The following ZBTB7C variants were observed in gnomAD, a reference collection of about 807,000 sequenced individuals.
The protein encoded by ZBTB7C is zinc finger and BTB domain containing 7C.
In ZBTB7C, 8 loss-of-function variants were observed where a neutral mutation model predicts 25.7. The ratio of observed to expected loss-of-function variants is 0.31; its 90% CI spans 0.18 to 0.56. ZBTB7C has a LOEUF of 0.56. ZBTB7C is among the 20% of genes least tolerant of loss of function. The pLI is 0.91. For missense variants in ZBTB7C, 824 were observed against 855.2 expected, an observed-to-expected ratio of 0.96 and a Z score of 0.46; for synonymous variants, 394 against 369.0, an observed-to-expected ratio of 1.07 and a Z score of -0.78.
At chr18:48,294,149 G>A (rs1222305217) in intron 2 of ZBTB7C, among the ~76,000 whole-genome samples, 1 of 152,232 alleles carries the variant, frequency 6.6e-6, no homozygotes, top group African/African-American at 2.4e-5. Context: ...GAGCACATTA[G>A]CAGAGGCTTG....
intron 2 of ZBTB7C, among the ~76,000 whole-genome samples, chr18:48,247,561 G>C (rs2144405175): frequency 6.6e-6 from 1 of 152,226 alleles, no homozygotes; most frequent in South Asian, 2.1e-4. Context: ...CATACCATCT[G>C]GTAACAACCT....
intron 1 of ZBTB7C, among the ~76,000 whole-genome samples, chr18:48,361,543 T>G (rs914708596): frequency 6.6e-6 from 1 of 152,232 alleles, no homozygotes; most frequent in Admixed American, 6.5e-5. Context: ...CTAATAAACA[T>G]GCTTCCTAAA....
At chr18:48,211,943 G>A (rs1037141875) in intron 2 of ZBTB7C, among the ~76,000 whole-genome samples, 4 of 152,216 alleles carry the variant, frequency 2.6e-5, no homozygotes, top group African/African-American at 9.7e-5. Context: ...TGACCAAGGT[G>A]TCCTTCAGCG....
intron 1 of ZBTB7C, chr18:48,346,631 T>TA (rs1735686859): frequency 6.6e-6 from 1 of 152,252 alleles, no homozygotes; most frequent in South Asian, 2.1e-4. Flanking sequence ...AGAGTGTCAC[T>TA]GGGCGCTGCT....
At position 48,032,422 on chromosome 18, in the gene ZBTB7C, G is replaced by GTTTT. The variant is rs71165309; in HGVS notation, c.1209-2515_1209-2512dup. ...GAGCCACTGTGCCCGGACAAGGTAG[G>GTTTT]TTTTTTTTTTTTTTTTTTTTTTTTT... On this transcript the variant is annotated intron_variant, in intron 4 of 4. Transcript: ENST00000590800. 8.3e-4 allele frequency among the ~76,000 whole-genome samples: 54 copies of GTTTT among 65,100 alleles called. 3 individuals carry two copies. The highest frequency in any genetic ancestry group is 1.9e-3 in the African/African-American group (30 of 15,770). 42.7% of individuals were successfully genotyped at this position (65,100 alleles called of 152,430 possible). A position where few individuals can be genotyped will look rare whatever the true frequency, so the allele number is the denominator to read the frequency against.
At chr18:48,163,249 T>G (rs903469629) in intron 3 of ZBTB7C, among the ~76,000 whole-genome samples, 1 of 152,172 alleles carries the variant, frequency 6.6e-6, no homozygotes, top group African/African-American at 2.4e-5. Flanking sequence ...TAACTGTGAA[T>G]GTGGCTGGGC....
chr18:48,250,221 G>C (rs77554357), intron 2 of ZBTB7C, among the ~76,000 whole-genome samples: 8,803 of 152,166 alleles, frequency 0.058, 404 homozygotes, highest in African/African-American at 0.13. Context: ...AATGGGATTG[G>C]GGGTCCAGTC....
intron 2 of ZBTB7C, among the ~76,000 whole-genome samples, chr18:48,315,548 C>T (rs949200): frequency 0.28 from 42,055 of 151,954 alleles, 6,708 homozygotes; most frequent in East Asian, 0.72. Flanking sequence ...GCCTGGGGAC[C>T]CCCAAGAAAC....
intron 3 of ZBTB7C, among the ~76,000 whole-genome samples, chr18:48,121,557 T>A (rs963495744): frequency 1.3e-5 from 2 of 152,196 alleles, no homozygotes; most frequent in Non-Finnish European, 2.9e-5. Context: ...CTCCCATTGG[T>A]ACATACCTGC....
At chr18:48,138,879 AGTGTTTGCT>A (rs2040254605) in intron 3 of ZBTB7C, among the ~76,000 whole-genome samples, 1 of 152,172 alleles carries the variant, frequency 6.6e-6, no homozygotes, top group African/African-American at 2.4e-5. Context: ...TGAATCCAGA[AGTGTTTGCT>A]GTGTGCCCGT....
intron 2 of ZBTB7C, among the ~76,000 whole-genome samples, chr18:48,306,529 A>G (rs1307383448): frequency 2.6e-5 from 4 of 152,230 alleles, no homozygotes; most frequent in Non-Finnish European, 4.4e-5. Context: ...TAGATGCTCA[A>G]TAAATATTTG....
At chr18:48,298,444 A>G (rs1166816598) in intron 2 of ZBTB7C, among the ~76,000 whole-genome samples, 1 of 152,042 alleles carries the variant, frequency 6.6e-6, no homozygotes, top group Non-Finnish European at 1.5e-5. Flanking sequence ...ATCTAGTGCT[A>G]TACCTGGCTG....
Position 48,303,230 on chromosome 18 carries a change from G to T in ZBTB7C, c.-79+34944C>A, listed in dbSNP as rs114142771. Among the ~76,000 whole-genome samples the T allele has an allele frequency of 9.9e-3, 1,510 of 152,338 alleles. 24 individuals carry two copies. The highest frequency in any genetic ancestry group is 0.035 in the African/African-American group (1,448 of 41,576). ...ATGAGAGTGGAGGAGCCAGAAGAAG[G>T]TAAGCCAGTCATAACAGTCAAAGGT... On this transcript the variant is annotated intron_variant, in intron 2 of 4. Coordinates refer to ENST00000590800, the MANE Select transcript of ZBTB7C (RefSeq NM_001318841.2).
intron 2 of ZBTB7C, among the ~76,000 whole-genome samples, chr18:48,223,250 A>G (rs190747495): frequency 5.6e-4 from 85 of 152,222 alleles, no homozygotes; most frequent in African/African-American, 2.0e-3. Flanking sequence ...CCTGCAGGAG[A>G]CAGGTTTGTC....
intron 1 of ZBTB7C, among the ~76,000 whole-genome samples, chr18:48,389,708 C>T (rs1047519150): frequency 7.9e-5 from 12 of 152,176 alleles, no homozygotes; most frequent in African/African-American, 2.4e-4. Flanking sequence ...CAGTGAGGCT[C>T]TCCCTGATAA....
rs566335038 is a variant in ZBTB7C, at chr18:48,394,640, G to A, written c.-304+14586C>T. ...AATCTTTGCTTAGAAGTAGGGTAAC[G>A]TCAGGGGTTTGTGTGTGTCTGTGTG... On this transcript the variant is annotated intron_variant, in intron 1 of 4. Coordinates refer to ENST00000590800, the MANE Select transcript of ZBTB7C (RefSeq NM_001318841.2). Among the ~76,000 whole-genome samples the A allele has an allele frequency of 5.9e-5, 9 of 152,300 alleles. No homozygotes were observed. The South Asian group carries it at 8.3e-4, about 14-fold the overall frequency.
chr18:48,040,541 AG>A lies in ZBTB7C; in HGVS notation c.566del (p.Pro189LeufsTer33). 2 of 1,613,972 alleles carry A rather than the reference AG, an allele frequency of 1.2e-6. No individual in the cohort carries two copies. The highest frequency in any genetic ancestry group is 1.7e-6 in the Non-Finnish European group (2 of 1,179,962). ...DPQDISCHQS[P>X]SKTDHLTEKA... is the part of the protein sequence containing the mutation. The stretch of plus-strand genomic sequence containing the variant: ...TCTCTGTGAGATGGTCTGTCTTGGA[AG>A]GGCTTTGGTGGCAGCTGATGTCCTG... On this transcript the variant is annotated frameshift_variant, in exon 4 of 5. Coordinates refer to ENST00000590800, the MANE Select transcript of ZBTB7C (RefSeq NM_001318841.2). LOFTEE classifies it high-confidence loss of function.
chr18:48,287,532 G>C (rs2045093153), intron 2 of ZBTB7C, among the ~76,000 whole-genome samples: 1 of 152,046 alleles, frequency 6.6e-6, no homozygotes, highest in South Asian at 2.1e-4. Flanking sequence ...AATCTTCCTA[G>C]AGCATAAAAA....
chr18:48,106,228 C>A (rs1197176155), intron 3 of ZBTB7C, among the ~76,000 whole-genome samples: 2 of 152,114 alleles, frequency 1.3e-5, no homozygotes. Flanking sequence ...TGCATGAACC[C>A]CCTCCTCTTT....
Sources: gnomAD v4.1 joint callset for allele counts (sites outside exome capture counted in the v4.1 genomes callset) on GRCh38, gnomAD v4.1.1 for gene constraint, MANE v1.5 for transcripts, NCBI Gene and HGNC (gene_info 2026-07-23, HGNC 2026-07-21) for gene names.